HPS1: variants seen among roughly 807,000 people sequenced by gnomAD.
HPS1 encodes HPS1 biogenesis of lysosomal organelles complex 3 subunit 1.
HPS1 carries 59 observed loss-of-function variants against 90.6 expected under a neutral mutation model. The observed-to-expected ratio is 0.65, with a 90% CI of 0.53 to 0.81. HPS1 has a LOEUF of 0.81. Among genes scored for constraint, HPS1 ranks in the 30% least tolerant of loss-of-function variants. The pLI is 0.00. For missense variants in HPS1, 849 were observed against 896.7 expected (o/e 0.95, Z 0.68); for synonymous variants, 388 against 384.4 (o/e 1.01, Z -0.11).
Position 98,429,834 on chromosome 10 carries a change from C to T in HPS1, c.824G>A (p.Ser275Asn). The stretch of plus-strand genomic sequence containing the variant: ...CCCAGTTGGGCCCGTGGAGTGAGGG[C>T]TCCAGGCCTGCTGCACGGGGATGTT... ...SQNIPVQQAW[S>N]PHSTGPTGGS... is the part of the protein sequence containing the mutation. The change falls in exon 9 of 20, where the codon AGC becomes AAC. Residue 275 changes from serine to asparagine, a missense_variant. Transcript: ENST00000361490. 1.2e-6 allele frequency: 2 copies of T among 1,613,668 alleles called. No homozygotes were observed. The highest frequency in any genetic ancestry group is 1.7e-5 in the Admixed American group (1 of 60,028).
chr10:98,435,637 G>A lies in HPS1; in HGVS notation c.253C>T (p.Leu85=). The A allele has an allele frequency of 1.2e-6, 2 of 1,614,186 alleles. No individual in the cohort carries two copies. Among genetic ancestry groups the A allele is most frequent in the South Asian group, 2.2e-5 (2 of 91,070 alleles). Residue 85 remains leucine (L), a splice_region_variant and synonymous_variant, in exon 4 of 20, where the codon CTG becomes TTG. Coordinates refer to ENST00000361490, the MANE Select transcript of HPS1 (RefSeq NM_000195.5). This position sits in a 1 kb window ranked among gnomAD's most constrained non-coding sequence, Gnocchi z 4.3. ...ENGNFLYVLH[L]FGECLFIAIN... is the part of the protein sequence containing the mutation. ...GGGCCCCAGAGCTATAGACTCACCA[G>A]GTGAAGGACATACAGGAAGTTGCCA... is the stretch of plus-strand genomic sequence containing the variant.
chr10:98,415,303 C>T (rs2274246), downstream of HPS1: 270,988 of 914,568 alleles, frequency 0.3, 45,233 homozygotes, highest in African/African-American at 0.53. Flanking sequence ...CCTCCTGCTG[C>T]CCTGGGGCTG....
At chr10:98,422,586 G>T in intron 16 of HPS1, 73 bp from the exon 17 acceptor site, 1 of 1,490,274 alleles carries the variant, frequency 6.7e-7, no homozygotes, top group Non-Finnish European at 9.3e-7. Context: ...GCTTCTAGCT[G>T]TGCCCAGTCA....
chr10:98,444,070 A>AC (rs71007393), intron 2 of HPS1, among the ~76,000 whole-genome samples: 1 of 150,766 alleles, frequency 6.6e-6, no homozygotes, highest in Non-Finnish European at 1.5e-5. Context: ...AAACAAACAA[A>AC]AAACAGCTCC....
At chr10:98,424,152 C>T (rs1054985000) in intron 14 of HPS1, among the ~76,000 whole-genome samples, 161 bp downstream of exon 14, 2 of 152,176 alleles carry the variant, frequency 1.3e-5, no homozygotes, top group South Asian at 2.1e-4. Context: ...GAAGGAGCTT[C>T]CCAGCTTCTC....
At chr10:98,415,234 G>C, downstream of HPS1, 3 of 1,454,464 alleles carry the variant, frequency 2.1e-6, no homozygotes, top group South Asian at 4.2e-5. Flanking sequence ...AGCAGGAAGA[G>C]GAGGAGCTGC....
chr10:98,440,275 T>C (rs1443139733), intron 3 of HPS1, among the ~76,000 whole-genome samples: 1 of 152,238 alleles, frequency 6.6e-6, no homozygotes, highest in African/African-American at 2.4e-5. Flanking sequence ...ACATTTTTAT[T>C]TTTAGGAATT....
At chr10:98,434,696 T>C (rs1376829319) in intron 5 of HPS1, among the ~76,000 whole-genome samples, 5 of 152,026 alleles carry the variant, frequency 3.3e-5, no homozygotes, top group Admixed American at 6.6e-5. Context: ...GGGGTGGTGA[T>C]ACTACGAACT....
intron 18 of HPS1, 94 bp downstream of exon 18, chr10:98,419,947 GAGAC>G (rs1176535460): frequency 2.6e-5 from 23 of 875,718 alleles, no homozygotes; most frequent in Admixed American, 2.0e-4. Flanking sequence ...AAGAGAAGAT[GAGAC>G]AGACAGACAA....
At chr10:98,426,605 T>C (rs78280410) in intron 11 of HPS1, among the ~76,000 whole-genome samples, 3,272 of 152,260 alleles carry the variant, frequency 0.021, 108 homozygotes, top group African/African-American at 0.073. Flanking sequence ...ATAAATAACA[T>C]ATGCATGTGA....
chr10:98,434,210 C>T, intron 5 of HPS1, 119 bp from the exon 6 acceptor site: 1 of 999,126 alleles, frequency 1.0e-6, no homozygotes, highest in Non-Finnish European at 1.4e-6. Context: ...TATGACCTGC[C>T]CACACAGCTG....
Position 98,425,531 on chromosome 10 carries a change from T to C in HPS1, c.1335+10A>G, listed in dbSNP as rs1845486515. On this transcript the variant is annotated intron_variant, in intron 13 of 19. Transcript: ENST00000361490. ...TCCCCAGGTGGGGAGGACTGGAACT[T>C]GGGTCTCACCTGAATCTCCTGTGCC... 1 of 1,606,770 alleles carries C rather than the reference T, an allele frequency of 6.2e-7. No homozygotes were observed. The highest frequency in any genetic ancestry group is 1.1e-5 in the South Asian group (1 of 89,362).
chr10:98,414,302 G>A (rs1408319896), downstream of HPS1: 1 of 152,184 alleles, frequency 6.6e-6, no homozygotes. Flanking sequence ...CCCTCTGCAA[G>A]TGTGAAAGGA....
rs1488042042 is a variant in HPS1, at chr10:98,435,344, A to G, written c.326T>C (p.Leu109Pro). ...TTCAAACAGGTACTTGAGCACATAC[A>G]GCTTCCGCCGCAGGTCCCCCTCGCT... is the stretch of plus-strand genomic sequence containing the variant. The part of the protein sequence containing the change: ...TESEGDLRRK[L>P]YVLKYLFEVH... The change falls in exon 5 of 20, where the codon CTG (leucine) becomes CCG (proline). Residue 109 changes from leucine to proline, a missense_variant. Physicochemically the swap from Leu to Pro is moderately conservative, Grantham distance 98. Transcript: ENST00000361490. This position sits in a 1 kb window ranked among gnomAD's most constrained non-coding sequence, Gnocchi z 4.3. 6.2e-7 allele frequency: 1 copy of G among 1,613,648 alleles called. No individual in the cohort carries two copies. The highest frequency in any genetic ancestry group is 1.3e-5 in the African/African-American group (1 of 74,810).
intron 2 of HPS1, among the ~76,000 whole-genome samples, chr10:98,443,954 T>C (rs921476008): frequency 6.6e-6 from 1 of 152,098 alleles, no homozygotes; most frequent in Non-Finnish European, 1.5e-5. Flanking sequence ...GGAGAATTGC[T>C]TGAACCCGGG....
At chr10:98,429,079 T>C (rs958162157) in intron 10 of HPS1, 8 of 316,670 alleles carry the variant, frequency 2.5e-5, no homozygotes, top group Non-Finnish European at 3.4e-5. Flanking sequence ...TGACCTCAGG[T>C]GATCTACCCG....
chr10:98,418,350 A>C, intron 18 of HPS1, 93 bp from the exon 19 acceptor site: 1 of 641,880 alleles, frequency 1.6e-6, no homozygotes, highest in Non-Finnish European at 2.8e-6. Context: ...TGGCTCTGTC[A>C]TGTGCGCTGG....
intron 5 of HPS1, among the ~76,000 whole-genome samples, chr10:98,434,861 A>C (rs1201265433): frequency 1.3e-5 from 2 of 151,242 alleles, no homozygotes; most frequent in Non-Finnish European, 2.9e-5. Context: ...CCTTCACGAG[A>C]CTGTATGAAT....
chr10:98,424,938 C>T (rs931673802), intron 13 of HPS1, among the ~76,000 whole-genome samples: 14 of 152,148 alleles, frequency 9.2e-5, no homozygotes, highest in South Asian at 2.1e-4. Flanking sequence ...AAACACCAGG[C>T]GCCTCCACTG....
Sources: gnomAD v4.1 joint callset for allele counts (sites outside exome capture counted in the v4.1 genomes callset) on GRCh38, gnomAD v4.1.1 for gene constraint, Gnocchi (gnomAD v3.1) non-coding constraint, MANE v1.5 for transcripts, NCBI Gene and HGNC (gene_info 2026-07-23, HGNC 2026-07-21) for gene names.